Variants in ATXN1 observed in about 807,000 individuals in gnomAD.
The protein encoded by ATXN1 is ataxin-1.
A neutral mutation model predicts 56.4 loss-of-function variants in ATXN1; 8 were observed. The ratio of observed to expected loss-of-function variants is 0.14; its 90% CI spans 0.08 to 0.26. The LOEUF (loss-of-function observed/expected upper bound fraction) is 0.26. Among genes scored for constraint, ATXN1 ranks in the 10% least tolerant of loss-of-function variants. The probability of loss-of-function intolerance (pLI) is 1.00; values close to 1 mark genes in which losing one functional copy is unlikely to be tolerated. For synonymous variants in ATXN1, 514 were observed against 494.6 expected, an observed-to-expected ratio of 1.04 and a Z score of -0.52; for missense variants, 987 against 1,106.5, an observed-to-expected ratio of 0.89 and a Z score of 1.53.
intron 5 of ATXN1, among the ~76,000 whole-genome samples, chr6:16,500,068 C>T (rs1260083969): frequency 1.3e-5 from 2 of 152,224 alleles, no homozygotes; most frequent in Non-Finnish European, 2.9e-5. Context: ...TTGCCACCTA[C>T]TCCTCCCACA....
intron 6 of ATXN1, among the ~76,000 whole-genome samples, chr6:16,409,652 C>CAAAA (rs542201666): frequency 9.4e-6 from 1 of 106,134 alleles, no homozygotes; most frequent in Admixed American, 9.9e-5. Flanking sequence ...GACTAGGTCT[C>CAAAA]AAAAAAAAAA....
chr6:16,467,112 A>G lies in ATXN1; in HGVS notation c.-161+18860T>C, dbSNP rs3793096. Among the ~76,000 whole-genome samples, 196 of 152,358 alleles carry G rather than the reference A, an allele frequency of 1.3e-3. 4 individuals carry two copies. In the East Asian group the frequency reaches 0.03, roughly 23 times the overall value. On this transcript the variant is annotated intron_variant, in intron 6 of 7. Coordinates refer to ENST00000436367, the MANE Select transcript of ATXN1 (RefSeq NM_001128164.2). Reference sequence around the variant, plus strand: ...CACAAAAAGTAATGGAAGGAGTAGTAACAACAGCAGCAAAGGGAAATGCCC... The same window carrying G: ...CACAAAAAGTAATGGAAGGAGTAGTGACAACAGCAGCAAAGGGAAATGCCC...
At chr6:16,616,823 G>T (rs76004137) in intron 3 of ATXN1, among the ~76,000 whole-genome samples, 7,883 of 150,922 alleles carry the variant, frequency 0.052, 217 homozygotes, top group South Asian at 0.073. Flanking sequence ...CATAGCCACG[G>T]TTTTGCTTTC....
At chr6:16,414,218 A>G (rs552559033) in intron 6 of ATXN1, among the ~76,000 whole-genome samples, 5 of 152,238 alleles carry the variant, frequency 3.3e-5, no homozygotes, top group East Asian at 3.9e-4. Context: ...GCTCTTCCCT[A>G]TCTCTCACTG....
intron 4 of ATXN1, among the ~76,000 whole-genome samples, chr6:16,537,275 G>A (rs2299086): frequency 0.3 from 45,379 of 151,854 alleles, 6,990 homozygotes; most frequent in Non-Finnish European, 0.34. Flanking sequence ...GCTATTCTAC[G>A]CAGCAAATCA....
In ATXN1 at chr6:16,326,781, C is replaced by T. The variant is rs766015194; in HGVS notation, c.1530G>A (p.Thr510=). 1.7e-5 allele frequency: 27 copies of T among 1,611,506 alleles called. No individual in the cohort carries two copies. The Middle Eastern group carries it at 4.9e-4, about 29-fold the overall frequency. ...EASGAAPAIV[T]SSPQFAAVPH... Reference sequence around the variant, plus strand: ...GCACTGCAGCAAACTGGGGGGATGACGTGACTATGGCCGGGGCTGCCCCCG... The same window carrying T: ...GCACTGCAGCAAACTGGGGGGATGATGTGACTATGGCCGGGGCTGCCCCCG... The change falls in exon 7 of 8, where the codon ACG becomes ACA. Residue 510 remains threonine (T), a synonymous_variant. Coordinates refer to ENST00000436367, the MANE Select transcript of ATXN1 (RefSeq NM_001128164.2). The surrounding 1 kb of genome is among the most constrained non-coding windows in gnomAD (Gnocchi z 6.6).
intron 4 of ATXN1, among the ~76,000 whole-genome samples, chr6:16,569,486 C>T (rs925660480): frequency 6.7e-6 from 1 of 149,192 alleles, no homozygotes; most frequent in African/African-American, 2.5e-5. Context: ...AAGCTCACAC[C>T]ACTGCACTCC....
chr6:16,703,769 C>T (rs1307893607), intron 2 of ATXN1, among the ~76,000 whole-genome samples: 5 of 152,198 alleles, frequency 3.3e-5, no homozygotes, highest in Admixed American at 1.3e-4. Flanking sequence ...ACTGTAATCC[C>T]GGCACTTTGG....
chr6:16,590,041 T>A (rs776885743), intron 3 of ATXN1, among the ~76,000 whole-genome samples: 1 of 152,190 alleles, frequency 6.6e-6, no homozygotes, highest in Non-Finnish European at 1.5e-5. Context: ...GCTGTAAACA[T>A]TGAGCTGACG....
At chr6:16,640,321 T>C (rs1763685035) in intron 3 of ATXN1, among the ~76,000 whole-genome samples, 1 of 152,232 alleles carries the variant, frequency 6.6e-6, no homozygotes, top group Non-Finnish European at 1.5e-5. Flanking sequence ...TCATGTGTGT[T>C]CTGACTGCTA....
chr6:16,315,037 C>T (rs1760478818), intron 7 of ATXN1, among the ~76,000 whole-genome samples: 1 of 152,144 alleles, frequency 6.6e-6, no homozygotes, highest in Non-Finnish European at 1.5e-5. Flanking sequence ...TTGGTTAAGA[C>T]CTAGTTTCTT....
rs1254249705 is a variant in ATXN1 at position 16,753,290 on chromosome 6, A to T, written c.-672T>A. 1.1e-5 allele frequency: 5 copies of T among 456,844 alleles called. No individual in the cohort carries two copies. Among genetic ancestry groups the T allele is most frequent in the Non-Finnish European group, 1.8e-5 (4 of 227,014 alleles). 28.3% of individuals were successfully genotyped at this position (456,844 alleles called of 1,614,324 possible). A position where few individuals can be genotyped will look rare whatever the true frequency, so the allele number is the denominator to read the frequency against. ...TGGAGGAGGAGATTGCTGTACAAGG[A>T]TGACAAACAAATCTGCAGCTTGAAT... On this transcript the variant is annotated 5_prime_UTR_variant, in exon 2 of 8. Transcript: ENST00000436367.
chr6:16,695,390 G>T (rs750810985), intron 2 of ATXN1, among the ~76,000 whole-genome samples: 2 of 152,208 alleles, frequency 1.3e-5, no homozygotes, highest in African/African-American at 2.4e-5. Flanking sequence ...TCCTCCTGCA[G>T]TAGAAGCAGA....
chr6:16,553,793 G>A (rs999066460), intron 4 of ATXN1, among the ~76,000 whole-genome samples: 6 of 152,264 alleles, frequency 3.9e-5, no homozygotes, highest in Middle Eastern at 6.8e-3. Flanking sequence ...AATGTGTCAC[G>A]CCCCTAAATG....
chr6:16,593,858 C>CAT (rs58000476), intron 3 of ATXN1, among the ~76,000 whole-genome samples: 36,317 of 143,084 alleles, frequency 0.25, 4,561 homozygotes, highest in East Asian at 0.49. Flanking sequence ...TGTGTGTGTG[C>CAT]ATATATATAT....
chr6:16,541,686 C>A (rs1023762251), intron 4 of ATXN1, among the ~76,000 whole-genome samples: 1 of 152,162 alleles, frequency 6.6e-6, no homozygotes, highest in Non-Finnish European at 1.5e-5. Context: ...CGCACTTGGA[C>A]CTGTATCCTG....
chr6:16,741,372 G>C (rs1224306330), intron 2 of ATXN1, among the ~76,000 whole-genome samples: 1 of 152,170 alleles, frequency 6.6e-6, no homozygotes, highest in Admixed American at 6.6e-5. Flanking sequence ...TCAAGAGAAA[G>C]GGTACTTTTG....
chr6:16,330,163 T>C (rs148297620), intron 6 of ATXN1, among the ~76,000 whole-genome samples: 98 of 152,052 alleles, frequency 6.4e-4, no homozygotes, highest in African/African-American at 2.2e-3. Context: ...AAATCCTCCT[T>C]CCTTGGCCTC....
chr6:16,569,449 C>T (rs1460051842), intron 4 of ATXN1, among the ~76,000 whole-genome samples: 1 of 151,556 alleles, frequency 6.6e-6, no homozygotes, highest in Non-Finnish European at 1.5e-5. Flanking sequence ...ATCGCTTGAA[C>T]CCAGGAGGTG....
Sources: allele counts gnomAD v4.1 joint callset (sites outside exome capture counted in the v4.1 genomes callset), GRCh38; gene constraint gnomAD v4.1.1; non-coding constraint Gnocchi (gnomAD v3.1); transcripts MANE v1.5; gene names NCBI Gene and HGNC (gene_info 2026-07-23, HGNC 2026-07-21).